GPC6: variants seen among roughly 807,000 people sequenced by gnomAD.
GPC6 encodes glypican 6.
A neutral mutation model predicts 55.2 loss-of-function variants in GPC6; 14 were observed. That is an observed-to-expected ratio of 0.25 (90% CI 0.17 to 0.40). The LOEUF is 0.40. Among genes scored for constraint, GPC6 ranks in the 10% least tolerant of loss-of-function variants. The pLI is 1.00. For missense variants in GPC6, 641 were observed against 708.5 expected (o/e 0.90, Z 1.08); for synonymous variants, 278 against 259.6 (o/e 1.07, Z -0.68).
intron 1 of GPC6, among the ~76,000 whole-genome samples, chr13:93,402,603 C>T (rs1465962373): frequency 6.6e-6 from 1 of 152,156 alleles, no homozygotes; most frequent in African/African-American, 2.4e-5. Context: ...TAGCGCTACA[C>T]CGTACTGACA....
At chr13:94,345,937 T>C (rs1878263391) in intron 6 of GPC6, among the ~76,000 whole-genome samples, 1 of 152,140 alleles carries the variant, frequency 6.6e-6, no homozygotes, top group African/African-American at 2.4e-5. Flanking sequence ...ATTTCAGGCC[T>C]TCTCTAAGCT....
intron 4 of GPC6, among the ~76,000 whole-genome samples, chr13:94,043,762 A>G (rs1166927815): frequency 6.6e-6 from 1 of 151,732 alleles, no homozygotes; most frequent in East Asian, 1.9e-4. Context: ...TTGCTAACCC[A>G]TACTCCTTTA....
intron 2 of GPC6, among the ~76,000 whole-genome samples, chr13:93,779,549 A>G (rs1395798535): frequency 2.6e-5 from 4 of 152,114 alleles, no homozygotes; most frequent in Non-Finnish European, 5.9e-5. Flanking sequence ...GTGCCCCTCC[A>G]TTTCACTGTT....
At chr13:93,796,194 G>GA (rs1036733612) in intron 2 of GPC6, among the ~76,000 whole-genome samples, 13 of 141,594 alleles carry the variant, frequency 9.2e-5, no homozygotes, top group South Asian at 2.7e-4. Flanking sequence ...AGACCCTGTT[G>GA]AAAAAAAAAG....
chr13:93,377,343 C>T (rs770433319), intron 1 of GPC6, among the ~76,000 whole-genome samples: 22 of 152,238 alleles, frequency 1.4e-4, no homozygotes, highest in Middle Eastern at 3.4e-3. Context: ...ATCTTGGAGA[C>T]GAGACACACA....
rs529344396 is a variant in GPC6, at chr13:94,187,572, T to C, written c.878-98777T>C. ...AACATCCCCCAAATTTCTAGACTAATTCAAACATAAGAGTTGATCTTAATA... is the reference window on the plus strand; with the variant it reads ...AACATCCCCCAAATTTCTAGACTAACTCAAACATAAGAGTTGATCTTAATA... On this transcript the variant is annotated intron_variant, in intron 4 of 8. Coordinates refer to ENST00000377047, the MANE Select transcript of GPC6 (RefSeq NM_005708.5). 3.3e-5 allele frequency among the ~76,000 whole-genome samples: 5 copies of C among 152,314 alleles called. No individual in the cohort carries two copies. The South Asian group carries it at 1.0e-3, about 32-fold the overall frequency.
chr13:93,777,584 A>C (rs924895703), intron 2 of GPC6, among the ~76,000 whole-genome samples: 2 of 152,198 alleles, frequency 1.3e-5, no homozygotes, highest in Admixed American at 6.6e-5. Flanking sequence ...TATGCCAAAA[A>C]GTAGAATCGG....
At chr13:93,793,094 A>G (rs1886096955) in intron 2 of GPC6, among the ~76,000 whole-genome samples, 1 of 152,188 alleles carries the variant, frequency 6.6e-6, no homozygotes, top group Admixed American at 6.5e-5. Context: ...CTAGTCTATG[A>G]TAGACATTTT....
intron 2 of GPC6, among the ~76,000 whole-genome samples, chr13:93,663,095 CAAAAA>C (rs35257700): frequency 2.7e-5 from 3 of 111,180 alleles, no homozygotes; most frequent in East Asian, 2.3e-4. Context: ...TGACTGGTTG[CAAAAA>C]AAAAAAAAAA....
intron 4 of GPC6, among the ~76,000 whole-genome samples, chr13:94,256,148 A>T (rs1891497176): frequency 6.6e-6 from 1 of 152,190 alleles, no homozygotes; most frequent in Non-Finnish European, 1.5e-5. Flanking sequence ...TGGATTTTGG[A>T]TCTCAGACAT....
chr13:93,594,939 T>C (rs943656402), intron 2 of GPC6, among the ~76,000 whole-genome samples: 2 of 151,950 alleles, frequency 1.3e-5, no homozygotes, highest in African/African-American at 2.4e-5. Flanking sequence ...TACCATCACA[T>C]TGGTGATTGG....
chr13:93,968,552 A>C (rs942518984), intron 3 of GPC6, among the ~76,000 whole-genome samples: 7 of 152,152 alleles, frequency 4.6e-5, no homozygotes, highest in Non-Finnish European at 1.0e-4. Context: ...TCCTGTTCTG[A>C]AGAAGCACAT....
chr13:93,676,815 T>C (rs1018365205), intron 2 of GPC6, among the ~76,000 whole-genome samples: 2 of 152,066 alleles, frequency 1.3e-5, no homozygotes. Context: ...CATGTCAAGA[T>C]AACAAAATGA....
At chr13:93,248,873 A>T (rs1024282418) in intron 1 of GPC6, among the ~76,000 whole-genome samples, 2 of 152,210 alleles carry the variant, frequency 1.3e-5, no homozygotes, top group African/African-American at 4.8e-5. Flanking sequence ...CGCCTAACAC[A>T]AACAGCAAAT....
Position 93,951,627 on chromosome 13 carries a change from G to A in GPC6, c.712-76102G>A, listed in dbSNP as rs868193268. On this transcript the variant is annotated intron_variant, in intron 3 of 8. Transcript: ENST00000377047. ...ATCACCTTAGAAGCAGTTTCACCTT[G>A]GATAAATTACCCAACCCCTCTCAGC... 2.0e-5 allele frequency among the ~76,000 whole-genome samples: 3 copies of A among 152,098 alleles called. No individual in the cohort carries two copies. In the Middle Eastern group the frequency reaches 0.01, roughly 517 times the overall value.
chr13:94,185,403 T>G (rs939921437), intron 4 of GPC6, among the ~76,000 whole-genome samples: 1 of 152,074 alleles, frequency 6.6e-6, no homozygotes, highest in Non-Finnish European at 1.5e-5. Flanking sequence ...CATAGTGTAG[T>G]GGAAAGTCTA....
At chr13:93,230,921 C>T (rs1264751573) in intron 1 of GPC6, among the ~76,000 whole-genome samples, 1 of 152,054 alleles carries the variant, frequency 6.6e-6, no homozygotes. Context: ...AATTATAACA[C>T]TTTGTAGTTA....
At chr13:93,994,339 A>G (rs1881442694) in intron 3 of GPC6, among the ~76,000 whole-genome samples, 1 of 152,144 alleles carries the variant, frequency 6.6e-6, no homozygotes, top group Non-Finnish European at 1.5e-5. Flanking sequence ...AAATTACAAT[A>G]TTGCCTCATA....
chr13:93,296,032 A>G (rs773773743), intron 1 of GPC6, among the ~76,000 whole-genome samples: 8 of 152,056 alleles, frequency 5.3e-5, no homozygotes, highest in Non-Finnish European at 1.2e-4. Context: ...TGGGAGGTCT[A>G]CCCTCATGAC....
Sources: allele counts gnomAD v4.1 joint callset (sites outside exome capture counted in the v4.1 genomes callset), GRCh38; gene constraint gnomAD v4.1.1; transcripts MANE v1.5; gene names NCBI Gene and HGNC (gene_info 2026-07-23, HGNC 2026-07-21).